The following SORL1 variants were observed in gnomAD, a reference collection of about 807,000 sequenced individuals.
SORL1 encodes sortilin-related receptor.
A neutral mutation model predicts 273.7 loss-of-function variants in SORL1; 127 were observed. That is an observed-to-expected ratio of 0.46 (90% confidence interval 0.40 to 0.54). The LOEUF (loss-of-function observed/expected upper bound fraction) is 0.54. Among genes scored for constraint, SORL1 ranks in the 20% least tolerant of loss-of-function variants. The probability of loss-of-function intolerance (pLI) is 0.00; values close to 1 mark genes in which losing one functional copy is unlikely to be tolerated. For missense variants in SORL1, 2,494 were observed against 2,846.1 expected (o/e 0.88, Z 2.81); for synonymous variants, 1,031 against 1,067.4 (o/e 0.97, Z 0.66).
chr11:121,481,819 A>T (rs1172570798), intron 3 of SORL1, among the ~76,000 whole-genome samples: 4 of 145,114 alleles, frequency 2.8e-5, no homozygotes, highest in Non-Finnish European at 4.5e-5. Context: ...AGATACCTAT[A>T]GGCAGGCTTC....
At chr11:121,600,770 C>T (rs1270276817) in intron 32 of SORL1, among the ~76,000 whole-genome samples, 2 of 152,144 alleles carry the variant, frequency 1.3e-5, no homozygotes, top group Non-Finnish European at 2.9e-5. Flanking sequence ...GAGAACCTGT[C>T]CCCTGAAGGC....
chr11:121,584,597 C>T (rs1374340823), intron 26 of SORL1, among the ~76,000 whole-genome samples: 1 of 145,002 alleles, frequency 6.9e-6, no homozygotes, highest in East Asian at 2.0e-4. Flanking sequence ...AAGTGATTTT[C>T]TTTTTTTTTT....
intron 21 of SORL1, among the ~76,000 whole-genome samples, chr11:121,560,340 A>G (rs967927350): frequency 1.3e-5 from 2 of 152,222 alleles, no homozygotes; most frequent in Admixed American, 1.3e-4. Flanking sequence ...GTGAGGCTTC[A>G]AGAACTGCTA....
intron 25 of SORL1, among the ~76,000 whole-genome samples, chr11:121,578,714 A>C (rs950321706): frequency 5.9e-5 from 9 of 152,206 alleles, no homozygotes; most frequent in Non-Finnish European, 1.0e-4. Flanking sequence ...TAAGGGAGTG[A>C]ATAGATCTCT....
At chr11:121,467,886 A>C (rs996468200) in intron 1 of SORL1, among the ~76,000 whole-genome samples, 3 of 152,216 alleles carry the variant, frequency 2.0e-5, no homozygotes, top group Non-Finnish European at 2.9e-5. Flanking sequence ...TTTTGGAAGG[A>C]CACATATTCC....
intron 11 of SORL1, among the ~76,000 whole-genome samples, chr11:121,529,414 G>T (rs1164514051): frequency 6.6e-6 from 1 of 151,896 alleles, no homozygotes; most frequent in Non-Finnish European, 1.5e-5. Context: ...ACGGGGTTTC[G>T]CCATGTTGGT....
intron 3 of SORL1, among the ~76,000 whole-genome samples, chr11:121,484,975 G>A (rs546266418): frequency 7.2e-5 from 11 of 152,276 alleles, no homozygotes; most frequent in East Asian, 1.9e-4. Context: ...GGCTGGTCTC[G>A]AACCCCTGAC....
chr11:121,468,816 G>A (rs1241304588), intron 1 of SORL1, among the ~76,000 whole-genome samples: 2 of 152,222 alleles, frequency 1.3e-5, no homozygotes, highest in Non-Finnish European at 2.9e-5. Context: ...TCCTCAGACA[G>A]GTGTCCATCA....
rs372116149 is a variant in SORL1, at chr11:121,586,316, T to C, written c.3801T>C (p.Asp1267=). ...DGLRDCSDGS[D]EQHCEPLCTH... ...TGCGTGATTGCTCTGATGGCTCCGA[T>C]GAACAGCACTGCGGTGAGTTCATTC... The change falls in exon 27 of 48, where the codon GAT becomes GAC. Residue 1267 remains aspartate (D), a synonymous_variant. Transcript: ENST00000260197. 276 of 1,613,550 alleles carry C rather than the reference T, an allele frequency of 1.7e-4. No individual in the cohort carries two copies. The highest frequency in any genetic ancestry group is 5.5e-4 in the Admixed American group (33 of 60,016).
chr11:121,530,673 CTTT>C (rs1862190664), intron 11 of SORL1, among the ~76,000 whole-genome samples: 2 of 151,980 alleles, frequency 1.3e-5, no homozygotes, highest in African/African-American at 4.8e-5. Context: ...ATATTTATAT[CTTT>C]CAACAAATTT....
At chr11:121,459,632 G>A (rs945697947) in intron 1 of SORL1, among the ~76,000 whole-genome samples, 2 of 152,202 alleles carry the variant, frequency 1.3e-5, no homozygotes, top group Non-Finnish European at 2.9e-5. Context: ...CTTCTCATCT[G>A]GCCTTGCGCA....
At chr11:121,455,004 C>T (rs1860879853) in intron 1 of SORL1, among the ~76,000 whole-genome samples, 2 of 152,118 alleles carry the variant, frequency 1.3e-5, no homozygotes, top group Admixed American at 6.5e-5. Context: ...AAGCCAAGTT[C>T]CACTTTGTAA....
Position 121,595,906 on chromosome 11 carries a change from G to T in SORL1, c.4519+134G>T. ...GTACTTGCGTAACCATGCTCTTACTGCATTCTCCACAAGCGCTTTGCCACG... is the reference window on the plus strand; with the variant it reads ...GTACTTGCGTAACCATGCTCTTACTTCATTCTCCACAAGCGCTTTGCCACG... On this transcript the variant is annotated intron_variant, in intron 32 of 47. Transcript: ENST00000260197. This position sits in a 1 kb window ranked among gnomAD's most constrained non-coding sequence, Gnocchi z 5.1. 1 of 947,120 alleles carries T rather than the reference G, an allele frequency of 1.1e-6. No homozygotes were observed. The highest frequency in any genetic ancestry group is 2.7e-5 in the East Asian group (1 of 36,980). 58.7% of individuals were successfully genotyped at this position (947,120 alleles called of 1,614,324 possible). A position where few individuals can be genotyped will look rare whatever the true frequency, so the allele number is the denominator to read the frequency against.
chr11:121,499,112 C>T (rs760777069), intron 6 of SORL1, among the ~76,000 whole-genome samples: 7 of 152,116 alleles, frequency 4.6e-5, no homozygotes, highest in Non-Finnish European at 1.0e-4. Context: ...TGAATGAATG[C>T]CATGTTTGCC....
At chr11:121,465,735 G>A (rs1236302325) in intron 1 of SORL1, among the ~76,000 whole-genome samples, 3 of 152,220 alleles carry the variant, frequency 2.0e-5, no homozygotes, top group African/African-American at 7.2e-5. Context: ...CACTGTGTTA[G>A]CCAGGTTGGT....
intron 31 of SORL1, 39 bp downstream of exon 31, chr11:121,591,195 A>G (rs1322699683): frequency 1.1e-5 from 18 of 1,608,290 alleles, no homozygotes; most frequent in South Asian, 2.2e-5. Context: ...GGTACCTGCT[A>G]TTGTGGAGAG....
At chr11:121,569,106 T>A (rs146068217) in intron 22 of SORL1, among the ~76,000 whole-genome samples, 1 of 152,332 alleles carries the variant, frequency 6.6e-6, no homozygotes, top group East Asian at 1.9e-4. Flanking sequence ...TGAACATAAA[T>A]TGTGAAGATT....
At chr11:121,471,196 G>A (rs1021042085) in intron 2 of SORL1, among the ~76,000 whole-genome samples, 2 of 152,198 alleles carry the variant, frequency 1.3e-5, no homozygotes, top group African/African-American at 4.8e-5. Flanking sequence ...TTTGGGGACC[G>A]GGAGAAGCAT....
chr11:121,618,787 T>A lies in SORL1; in HGVS notation c.5618T>A (p.Phe1873Tyr), dbSNP rs368691606. ...TGCTTTTACCAGGTTTATGGTATTT[T>A]CTATGCCACGTCCTTTCTTGACCTC... ...TGPRNVVYGI[F>Y]YATSFLDLYR... Residue 1873 changes from phenylalanine (F) to tyrosine (Y), a missense_variant, in exon 42 of 48, where the codon TTC (phenylalanine) becomes TAC (tyrosine). Transcript: ENST00000260197. 88 of 1,614,088 alleles carry A rather than the reference T, an allele frequency of 5.5e-5. No homozygotes were observed. The highest frequency in any genetic ancestry group is 7.4e-5 in the Non-Finnish European group (87 of 1,180,026).
Sources: allele counts gnomAD v4.1 joint callset (sites outside exome capture counted in the v4.1 genomes callset), GRCh38; gene constraint gnomAD v4.1.1; non-coding constraint Gnocchi (gnomAD v3.1); transcripts MANE v1.5; gene names NCBI Gene and HGNC (gene_info 2026-07-23, HGNC 2026-07-21).